LIMCH1: variants seen among roughly 807,000 people sequenced by gnomAD.
LIMCH1 encodes the protein LIM and calponin homology domains-containing protein 1.
LIMCH1 carries 113 observed loss-of-function variants against 176.5 expected under a neutral mutation model. The observed-to-expected ratio is 0.64, with a 90% confidence interval of 0.55 to 0.75. The LOEUF is 0.75. Ranked by LOEUF, LIMCH1 falls within the 30% of genes least tolerant of loss-of-function variation. The pLI is 0.00. For synonymous variants in LIMCH1, 619 were observed against 645.9 expected (o/e 0.96, Z 0.63); for missense variants, 1,674 against 1,814.9 (o/e 0.92, Z 1.41).
intron 1 of LIMCH1, among the ~76,000 whole-genome samples, chr4:41,438,728 C>T (rs1352083600): frequency 6.6e-6 from 1 of 151,756 alleles, no homozygotes; most frequent in Non-Finnish European, 1.5e-5. Flanking sequence ...TTTAAATTTC[C>T]AATCCGCTGT....
At position 41,684,499 on chromosome 4, in the gene LIMCH1, A is replaced by C. The variant is rs1274280628; in HGVS notation, c.3948A>C (p.Thr1316=). 6 of 1,613,500 alleles carry C rather than the reference A, an allele frequency of 3.7e-6. No homozygotes were observed. The highest frequency in any genetic ancestry group is 5.1e-6 in the Non-Finnish European group (6 of 1,179,762). The part of the protein sequence containing the change: ...DTEAGAPHCG[T]NPQLAQDPSQ... ...AGGCTGGGGCCCCACACTGTGGAAC[A>C]AACCCACAGCTTGCTCAGGGTAAGA... The change falls in exon 27 of 32, where the codon ACA becomes ACC. Residue 1316 remains threonine (T), a synonymous_variant. Coordinates refer to ENST00000503057, the MANE Select transcript of LIMCH1 (RefSeq NM_001330672.2).
intron 13 of LIMCH1, among the ~76,000 whole-genome samples, chr4:41,638,214 T>C (rs1257253984): frequency 6.6e-6 from 1 of 152,200 alleles, no homozygotes; most frequent in African/African-American, 2.4e-5. Flanking sequence ...TCATTTAGAC[T>C]TCCGGTGACT....
chr4:41,501,857 CTTTTTTTTTT>C (rs71198662), intron 2 of LIMCH1, among the ~76,000 whole-genome samples: 1,904 of 75,050 alleles, frequency 0.025, 37 homozygotes, highest in South Asian at 0.05. Flanking sequence ...GTGTAGAATC[CTTTTTTTTTT>C]TTTTTTTTTT....
chr4:41,428,463 G>A (rs1354713838), intron 1 of LIMCH1, among the ~76,000 whole-genome samples: 7 of 152,246 alleles, frequency 4.6e-5, no homozygotes, highest in Admixed American at 1.3e-4. Flanking sequence ...AGCCCTTGAA[G>A]GGAGGGGGCA....
intron 29 of LIMCH1, among the ~76,000 whole-genome samples, chr4:41,689,203 G>A (rs1586013019): frequency 1.3e-5 from 2 of 152,296 alleles, no homozygotes; most frequent in Non-Finnish European, 2.9e-5. Context: ...ATAAAAAAAA[G>A]TATGATAAAT....
chr4:41,515,759 T>C (rs1475527448), intron 2 of LIMCH1, among the ~76,000 whole-genome samples: 2 of 152,226 alleles, frequency 1.3e-5, no homozygotes, highest in Non-Finnish European at 2.9e-5. Flanking sequence ...TTCCTGCTGC[T>C]CTTGGAATTT....
intron 1 of LIMCH1, among the ~76,000 whole-genome samples, chr4:41,596,669 A>G (rs1221407749): frequency 6.6e-6 from 1 of 152,192 alleles, no homozygotes; most frequent in Non-Finnish European, 1.5e-5. Flanking sequence ...GGACAGTGTC[A>G]ATCAATGAAA....
chr4:41,448,166 C>A (rs1237378081), intron 1 of LIMCH1, among the ~76,000 whole-genome samples: 1 of 152,158 alleles, frequency 6.6e-6, no homozygotes, highest in African/African-American at 2.4e-5. Context: ...GGAGCTTTTG[C>A]ATTATTGCTC....
Position 41,558,302 on chromosome 4 carries a change from C to G in LIMCH1, c.-241+19952C>G, listed in dbSNP as rs967138741. On this transcript the variant is annotated intron_variant, in intron 1 of 31. Coordinates refer to ENST00000503057, the MANE Select transcript of LIMCH1 (RefSeq NM_001330672.2). ...GAGTTGTAAAGGCAGGAATGAGATG[C>G]CTGCCTTAGATCTTATGGGAATTTC... Among the ~76,000 whole-genome samples, 17 of 151,842 alleles carry G rather than the reference C, an allele frequency of 1.1e-4. 1 individual carries two copies. The highest frequency in any genetic ancestry group is 9.8e-4 in the Admixed American group (15 of 15,242).
Position 41,626,923 on chromosome 4 carries a change from C to T in LIMCH1, c.941C>T (p.Pro314Leu). ...CCATTAAATCAACTCCTCTATGGCC[C>T]TTATCCAAAGAAAGGGGCAGAGAAA... ...MVPLNQLLYGPYPKKGAEKSD... is the reference protein window; with the variant it reads ...MVPLNQLLYGLYPKKGAEKSD... The change falls in exon 8 of 32, where the codon CCT becomes CTT. Residue 314 changes from proline to leucine, a missense_variant. Pro to Leu is a moderately conservative substitution (Grantham distance 98, BLOSUM62 -3). Around this residue, in one of 3 missense-constraint regions of LIMCH1, gnomAD observed 655 missense variants for 692.2 expected, o/e 0.95. Transcript: ENST00000503057. 7 of 1,536,018 alleles carry T rather than the reference C, an allele frequency of 4.6e-6. No individual in the cohort carries two copies. The highest frequency in any genetic ancestry group is 6.1e-6 in the Non-Finnish European group (7 of 1,146,910).
intron 5 of LIMCH1, among the ~76,000 whole-genome samples, chr4:41,617,542 A>G (rs1329475920): frequency 1.3e-5 from 2 of 152,202 alleles, no homozygotes; most frequent in East Asian, 3.8e-4. Flanking sequence ...TACTTGTTTA[A>G]GGACCGGGTG....
At chr4:41,538,709 T>C (rs2078237028) in intron 1 of LIMCH1, among the ~76,000 whole-genome samples, 1 of 152,164 alleles carries the variant, frequency 6.6e-6, no homozygotes, top group African/African-American at 2.4e-5. Flanking sequence ...TAAGATGTGG[T>C]CCAGCAGCAC....
chr4:41,599,026 A>G lies in LIMCH1; in HGVS notation c.-134A>G. On this transcript the variant is annotated splice_region_variant and 5_prime_UTR_variant, in exon 2 of 32. Transcript: ENST00000503057. Reference sequence around the variant, plus strand: ...GATACATCCAACAGAGTAACAGTCAAGTAAGTAAAGCGTGATTTATGTTTA... The same window carrying G: ...GATACATCCAACAGAGTAACAGTCAGGTAAGTAAAGCGTGATTTATGTTTA... The G allele has an allele frequency of 6.3e-7, 1 of 1,575,580 alleles. No homozygotes were observed. Among genetic ancestry groups the G allele is most frequent in the Non-Finnish European group, 8.7e-7 (1 of 1,145,894 alleles).
chr4:41,697,332 G>T lies in LIMCH1; in HGVS notation c.*147G>T. The T allele has an allele frequency of 4.7e-6, 3 of 644,794 alleles. No individual in the cohort carries two copies. Among genetic ancestry groups the T allele is most frequent in the East Asian group, 2.7e-5 (1 of 36,854 alleles). 39.9% of individuals were successfully genotyped at this position (644,794 alleles called of 1,614,324 possible). A position where few individuals can be genotyped will look rare whatever the true frequency, so the allele number is the denominator to read the frequency against. On this transcript the variant is annotated 3_prime_UTR_variant, in exon 32 of 32. Coordinates refer to ENST00000503057, the MANE Select transcript of LIMCH1 (RefSeq NM_001330672.2). ...TCTGAAAGGTGGTATCTGTTCTTTC[G>T]TAGCACAGTGTTTATGTTTTTCCTG... is the stretch of plus-strand genomic sequence containing the variant.
At chr4:41,442,952 G>A (rs1212485138) in intron 1 of LIMCH1, among the ~76,000 whole-genome samples, 2 of 152,162 alleles carry the variant, frequency 1.3e-5, no homozygotes, top group Admixed American at 6.5e-5. Flanking sequence ...CTTTTGTGTA[G>A]CTGTTTGTTT....
intron 21 of LIMCH1, among the ~76,000 whole-genome samples, chr4:41,668,882 C>T (rs1265612582): frequency 6.6e-6 from 1 of 151,088 alleles, no homozygotes; most frequent in East Asian, 2.0e-4. Context: ...TGTAGGGAAA[C>T]TTCCCTTTAT....
At chr4:41,460,352 C>T (rs568525105) in intron 1 of LIMCH1, among the ~76,000 whole-genome samples, 2 of 151,416 alleles carry the variant, frequency 1.3e-5, no homozygotes, top group South Asian at 2.1e-4. Context: ...TGACATGCTA[C>T]GTGAGCCCCA....
At chr4:41,659,118 A>T (rs1457670846) in intron 18 of LIMCH1, among the ~76,000 whole-genome samples, 1 of 152,224 alleles carries the variant, frequency 6.6e-6, no homozygotes, top group East Asian at 1.9e-4. Context: ...TTGGAGGTTC[A>T]TATAGCAAAC....
At chr4:41,565,217 C>T (rs370445296) in intron 1 of LIMCH1, among the ~76,000 whole-genome samples, 1 of 151,936 alleles carries the variant, frequency 6.6e-6, no homozygotes, top group East Asian at 1.9e-4. Context: ...TTCTAGTTGT[C>T]ACTGTTCTGT....
Sources: gnomAD v4.1 joint callset for allele counts (sites outside exome capture counted in the v4.1 genomes callset) on GRCh38, gnomAD v4.1.1 for gene constraint, gnomAD v4.1.1 regional missense constraint, MANE v1.5 for transcripts, NCBI Gene and HGNC (gene_info 2026-07-23, HGNC 2026-07-21) for gene names.